DHRS9: variants seen among roughly 807,000 people sequenced by gnomAD.
DHRS9 encodes dehydrogenase/reductase SDR family member 9.
A neutral mutation model predicts 26.6 loss-of-function variants in DHRS9; 18 were observed. The ratio of observed to expected loss-of-function variants is 0.68; its 90% CI spans 0.47 to 1.00. DHRS9 has a LOEUF of 1.00. Ranked by LOEUF, DHRS9 falls within the 50% of genes least tolerant of loss-of-function variation. The probability of loss-of-function intolerance (pLI) is 0.00; values close to 1 mark genes in which losing one functional copy is unlikely to be tolerated. For missense variants in DHRS9, 425 were observed against 378.7 expected, an observed-to-expected ratio of 1.12 and a Z score of -1.01; for synonymous variants, 134 against 141.1, an observed-to-expected ratio of 0.95 and a Z score of 0.36.
At chr2:169,072,234 T>C (rs961177523) in intron 1 of DHRS9, among the ~76,000 whole-genome samples, 2 of 152,200 alleles carry the variant, frequency 1.3e-5, no homozygotes, top group Non-Finnish European at 2.9e-5. Flanking sequence ...TTCTATTTGA[T>C]GTATTTTGGT....
At chr2:169,067,134 G>C (rs1240680995), upstream of DHRS9, 2 of 1,535,242 alleles carry the variant, frequency 1.3e-6, 1 homozygote, top group South Asian at 2.4e-5. Flanking sequence ...TTGAGAGAGA[G>C]GATTACATCA....
In DHRS9 at chr2:169,080,970, T is replaced by C. The variant is rs372692684; in HGVS notation, c.-59-553T>C. On this transcript the variant is annotated intron_variant, in intron 1 of 4. Transcript: ENST00000674881. ...TCAGAGTTGGGTTGAAGATTGACAT[T>C]AACCCATTTAAAATAAGAAAATGGA... is the stretch of plus-strand genomic sequence containing the variant. 8.8e-4 allele frequency: 152 copies of C among 172,484 alleles called. 4 individuals carry two copies. The South Asian group carries it at 0.027, about 31-fold the overall frequency. The allele number at this position is 172,484 out of a possible 1,614,324, so 10.7% of individuals were successfully genotyped here.
intron 2 of DHRS9, 118 bp from the exon 3 acceptor site, chr2:169,083,211 A>G (rs2105292648): frequency 7.6e-7 from 1 of 1,309,648 alleles, no homozygotes; most frequent in East Asian, 2.3e-5. Flanking sequence ...ATTTCAGAGT[A>G]GGAAAATGAC....
chr2:169,077,089 G>A (rs1445890477), intron 1 of DHRS9, among the ~76,000 whole-genome samples: 1 of 152,162 alleles, frequency 6.6e-6, no homozygotes, highest in Non-Finnish European at 1.5e-5. Flanking sequence ...TCCAATATGG[G>A]ATCCAACAGC....
At chr2:169,079,320 C>CTG (rs1230353493) in intron 1 of DHRS9, among the ~76,000 whole-genome samples, 1 of 151,632 alleles carries the variant, frequency 6.6e-6, no homozygotes, top group Non-Finnish European at 1.5e-5. Flanking sequence ...GTGTGTGTGT[C>CTG]TGTGTGTGTG....
chr2:169,094,607 C>T (rs940142833), intron 4 of DHRS9, among the ~76,000 whole-genome samples: 24 of 151,316 alleles, frequency 1.6e-4, no homozygotes, highest in African/African-American at 5.6e-4. Flanking sequence ...TCTTGAACTC[C>T]CTGGGATCAA....
At chr2:169,080,008 A>G (rs1454896007) in intron 1 of DHRS9, among the ~76,000 whole-genome samples, 1 of 109,360 alleles carries the variant, frequency 9.1e-6, no homozygotes, top group Non-Finnish European at 2.0e-5. Flanking sequence ...AAAGAAAGAA[A>G]GAAAGAAAGA....
In DHRS9 at chr2:169,091,912, C is replaced by G; in HGVS notation, c.695C>G (p.Pro232Arg). The G allele has an allele frequency of 6.2e-7, 1 of 1,613,992 alleles. No homozygotes were observed. Among genetic ancestry groups the G allele is most frequent in the African/African-American group, 1.3e-5 (1 of 75,024 alleles). ...KKLAIWEQLS[P>R]DIKQQYGEGY... is the part of the protein sequence containing the mutation. ...CTCGCCATTTGGGAGCAGCTGTCTCCAGACATCAAACAACAATATGGAGAA... is the reference window on the plus strand; with the variant it reads ...CTCGCCATTTGGGAGCAGCTGTCTCGAGACATCAAACAACAATATGGAGAA... The change falls in exon 4 of 5, where the codon CCA becomes CGA. Residue 232 changes from proline (P) to arginine (R), a missense_variant. By Grantham distance (103) the Pro-to-Arg change is moderately radical. Transcript: ENST00000674881.
chr2:169,067,221 A>G, upstream of DHRS9: 1 of 1,535,588 alleles, frequency 6.5e-7, no homozygotes, highest in Non-Finnish European at 8.7e-7. Flanking sequence ...CAAGAGTGAC[A>G]CTGGATATAC....
At chr2:169,083,298 C>T (rs1169933427) in intron 2 of DHRS9, 31 bp from the exon 3 acceptor site, 2 of 1,608,290 alleles carry the variant, frequency 1.2e-6, no homozygotes, top group East Asian at 4.5e-5. Flanking sequence ...TACTGTCTTA[C>T]CACACCTCTT....
chr2:169,072,421 A>G, intron 1 of DHRS9: 1 of 178,420 alleles, frequency 5.6e-6, no homozygotes, highest in Non-Finnish European at 1.1e-5. Context: ...ACTATCTAGA[A>G]AGAACTCTAC....
At chr2:169,086,224 A>G (rs979039918) in intron 3 of DHRS9, among the ~76,000 whole-genome samples, 1 of 151,950 alleles carries the variant, frequency 6.6e-6, no homozygotes, top group African/African-American at 2.4e-5. Context: ...CCTGTCTTCA[A>G]GCTTACTAAT....
At chr2:169,085,549 TTTAAG>T (rs1684325202) in intron 3 of DHRS9, among the ~76,000 whole-genome samples, 2 of 152,314 alleles carry the variant, frequency 1.3e-5, no homozygotes, top group South Asian at 4.1e-4. Flanking sequence ...CTCTCATTTC[TTTAAG>T]TTAACTCCTA....
chr2:169,092,289 C>A (rs375341052), intron 4 of DHRS9, among the ~76,000 whole-genome samples: 1 of 152,174 alleles, frequency 6.6e-6, no homozygotes, highest in African/African-American at 2.4e-5. Flanking sequence ...TGGACCTGAG[C>A]CCAGGAAGGC....
chr2:169,092,022 T>C lies in DHRS9; in HGVS notation c.736+69T>C, dbSNP rs1230513169. Reference sequence around the variant, plus strand: ...CTGAACAGCATGAAGGAGATTCAAATACAGATGAAATAACAAGGTTCTGAG... The same window carrying C: ...CTGAACAGCATGAAGGAGATTCAAACACAGATGAAATAACAAGGTTCTGAG... On this transcript the variant is annotated intron_variant, in intron 4 of 4. Coordinates refer to ENST00000674881, the MANE Select transcript of DHRS9 (RefSeq NM_001376924.1). 6.6e-6 allele frequency: 10 copies of C among 1,513,628 alleles called. No homozygotes were observed. In the African/African-American group the frequency reaches 7.0e-5, roughly 11 times the overall value. 93.8% of individuals were successfully genotyped at this position (1,513,628 alleles called of 1,614,324 possible).
intron 1 of DHRS9, chr2:169,070,793 G>C: frequency 1.0e-6 from 1 of 983,188 alleles, no homozygotes; most frequent in Non-Finnish European, 1.2e-6. Flanking sequence ...GGCCGGGCGC[G>C]GTGGCTCATG....
chr2:169,092,076 G>A (rs1351352409), intron 4 of DHRS9, 123 bp downstream of exon 4: 3 of 1,072,142 alleles, frequency 2.8e-6, no homozygotes, highest in Non-Finnish European at 3.9e-6. Flanking sequence ...CTTAACCATG[G>A]ATCAGGGATC....
Position 169,083,594 on chromosome 2 carries a change from C to A in DHRS9, c.572+7C>A. ...GTTTCAATGACAGCTTAAGGTAAAT[C>A]AAATTAATCAACTTATTAGGAAACA... On this transcript the variant is annotated splice_region_variant and intron_variant, in intron 3 of 4. Coordinates refer to ENST00000674881, the MANE Select transcript of DHRS9 (RefSeq NM_001376924.1). 1 of 1,611,894 alleles carries A rather than the reference C, an allele frequency of 6.2e-7. No individual in the cohort carries two copies. The highest frequency in any genetic ancestry group is 1.1e-5 in the South Asian group (1 of 90,968).
At chr2:169,094,461 G>A (rs1684630920) in intron 4 of DHRS9, among the ~76,000 whole-genome samples, 1 of 151,290 alleles carries the variant, frequency 6.6e-6, no homozygotes, top group African/African-American at 2.4e-5. Flanking sequence ...CTGTTGTTTA[G>A]CTTTGTGTTT....
Sources: allele counts gnomAD v4.1 joint callset (sites outside exome capture counted in the v4.1 genomes callset), GRCh38; gene constraint gnomAD v4.1.1; transcripts MANE v1.5; gene names NCBI Gene and HGNC (gene_info 2026-07-23, HGNC 2026-07-21).